The following SUCO variants were observed in gnomAD, a reference collection of about 807,000 sequenced individuals.
The protein encoded by SUCO is SUN domain-containing ossification factor.
In SUCO, 57 loss-of-function variants were observed where a neutral mutation model predicts 148.1. The observed-to-expected ratio is 0.38, with a 90% confidence interval of 0.31 to 0.48. The LOEUF (loss-of-function observed/expected upper bound fraction) is 0.48. Among genes scored for constraint, SUCO ranks in the 20% least tolerant of loss-of-function variants. SUCO has a pLI of 0.96. For synonymous variants in SUCO, 470 were observed against 502.7 expected (o/e 0.93, Z 0.87); for missense variants, 1,331 against 1,468.2 (o/e 0.91, Z 1.53).
intron 10 of SUCO, 109 bp from the exon 11 acceptor site, chr1:172,575,409 C>A: frequency 1.5e-6 from 1 of 671,912 alleles, no homozygotes; most frequent in Non-Finnish European, 2.5e-6. Flanking sequence ...ACTGTTAAGT[C>A]AGCGTGTTCA....
At chr1:172,577,848 G>C (rs777158326) in intron 13 of SUCO, 29 bp downstream of exon 13, 1 of 1,550,708 alleles carries the variant, frequency 6.4e-7, no homozygotes, top group Non-Finnish European at 8.8e-7. Context: ...CATTTATTGA[G>C]TTTTTAAAAA....
Position 172,589,859 on chromosome 1 carries a change from A to T in SUCO, c.2758A>T (p.Asn920Tyr). Residue 920 changes from asparagine to tyrosine, a missense_variant, in exon 18 of 24, where the codon AAT becomes TAT. Transcript: ENST00000263688. ...GGAGTCAGTATTTATGAGACTTAAT[A>T]ATCGTATTAAAGCCTTAGAAGTTAA... ...QKESVFMRLN[N>Y]RIKALEVNMS... 1 of 1,589,880 alleles carries T rather than the reference A, an allele frequency of 6.3e-7. No homozygotes were observed. Among genetic ancestry groups the T allele is most frequent in the South Asian group, 1.1e-5 (1 of 87,708 alleles).
intron 15 of SUCO, among the ~76,000 whole-genome samples, chr1:172,581,612 G>A (rs550732641): frequency 6.6e-6 from 1 of 152,272 alleles, no homozygotes; most frequent in East Asian, 1.9e-4. Flanking sequence ...CAGTAGTTCT[G>A]ATTCAAAGAA....
intron 23 of SUCO, 30 bp downstream of exon 23, chr1:172,608,832 G>A: frequency 7.1e-7 from 1 of 1,415,286 alleles, no homozygotes; most frequent in Non-Finnish European, 9.9e-7. Flanking sequence ...TAAGTTTATT[G>A]CTATGTTTTG....
At chr1:172,585,242 T>C (rs1384447523) in intron 16 of SUCO, 156 bp downstream of exon 16, 2 of 441,612 alleles carry the variant, frequency 4.5e-6, no homozygotes, top group African/African-American at 2.1e-5. Context: ...ATTCATTGTT[T>C]ATTTGAATTT....
At chr1:172,560,742 T>A (rs1209916665) in intron 6 of SUCO, among the ~76,000 whole-genome samples, 1 of 152,200 alleles carries the variant, frequency 6.6e-6, no homozygotes, top group Non-Finnish European at 1.5e-5. Flanking sequence ...GGAAAGCTAC[T>A]CCTAAAAGAG....
intron 19 of SUCO, among the ~76,000 whole-genome samples, chr1:172,592,251 C>G (rs1160191692): frequency 6.6e-6 from 1 of 152,172 alleles, no homozygotes; most frequent in Admixed American, 6.5e-5. Context: ...ATGGTAGTTT[C>G]TTTTGCTGTG....
chr1:172,564,153 C>T (rs758959419), intron 6 of SUCO, among the ~76,000 whole-genome samples: 8 of 152,244 alleles, frequency 5.3e-5, no homozygotes, highest in East Asian at 1.9e-4. Context: ...GGGACAGAGC[C>T]GTCATGGAGA....
At chr1:172,585,759 G>T in intron 16 of SUCO, 99 bp from the exon 17 acceptor site, 1 of 749,814 alleles carries the variant, frequency 1.3e-6, no homozygotes, top group Non-Finnish European at 2.2e-6. Flanking sequence ...AAACCTATTT[G>T]GCTTTTTTCT....
intron 19 of SUCO, among the ~76,000 whole-genome samples, chr1:172,598,941 C>A (rs573010758): frequency 3.3e-5 from 5 of 152,098 alleles, no homozygotes; most frequent in African/African-American, 4.8e-5. Flanking sequence ...TATACACCCC[C>A]CCTCTCCACA....
rs201977560 is a variant in SUCO, at chr1:172,589,139, C to A, written c.2038C>A (p.Pro680Thr). 2.4e-5 allele frequency: 39 copies of A among 1,613,554 alleles called. No homozygotes were observed. Among genetic ancestry groups the A allele is most frequent in the Non-Finnish European group, 5.1e-6 (6 of 1,179,820 alleles). ...AESVDVSVLQ[P>T]LSGELENTNI... ...ATCAGTAGATGTTTCAGTATTGCAA[C>A]CTCTGAGTGGAGAATTGGAAAATAC... is the stretch of plus-strand genomic sequence containing the variant. The change falls in exon 18 of 24, where the codon CCT becomes ACT. Residue 680 changes from proline to threonine, a missense_variant. By Grantham distance (38) the Pro-to-Thr change is conservative (BLOSUM62 -1). Transcript: ENST00000263688.
At chr1:172,555,769 T>TA in intron 3 of SUCO, 100 bp from the exon 4 acceptor site, 2 of 950,720 alleles carry the variant, frequency 2.1e-6, no homozygotes, top group South Asian at 5.2e-5. Context: ...ATTGTTTATA[T>TA]TGTCATTTTT....
upstream of SUCO, chr1:172,532,400 A>T (rs1245776302): frequency 8.5e-7 from 1 of 1,176,040 alleles, no homozygotes; most frequent in Non-Finnish European, 1.2e-6. Flanking sequence ...ACTTAAAGTG[A>T]GGAACCCGGC....
At chr1:172,539,891 C>G (rs923758999) in intron 1 of SUCO, among the ~76,000 whole-genome samples, 9 of 152,096 alleles carry the variant, frequency 5.9e-5, no homozygotes, top group African/African-American at 2.2e-4. Flanking sequence ...GAGACTTGAG[C>G]TCTGTATATA....
chr1:172,552,376 C>T (rs1339698804), intron 2 of SUCO, among the ~76,000 whole-genome samples: 1 of 151,916 alleles, frequency 6.6e-6, no homozygotes, highest in Non-Finnish European at 1.5e-5. Context: ...CCAGTGATAG[C>T]TCATATATCA....
chr1:172,553,402 T>G (rs1235697920), intron 3 of SUCO, 32 bp downstream of exon 3: 1 of 1,463,902 alleles, frequency 6.8e-7, no homozygotes, highest in African/African-American at 1.4e-5. Flanking sequence ...TTCAATAATA[T>G]GTCATTTCAA....
intron 1 of SUCO, among the ~76,000 whole-genome samples, chr1:172,548,720 A>G (rs1343945331): frequency 1.3e-5 from 2 of 152,038 alleles, no homozygotes; most frequent in Non-Finnish European, 2.9e-5. Flanking sequence ...GTTGGAGAAT[A>G]TAATCTTTTA....
upstream of SUCO, chr1:172,532,664 G>A: frequency 6.2e-7 from 1 of 1,614,068 alleles, no homozygotes; most frequent in Non-Finnish European, 8.5e-7. Context: ...GTCTCGTGGT[G>A]AGCAGCGAAA....
At chr1:172,609,687 G>T (rs1658085926) in intron 23 of SUCO, 129 bp from the exon 24 acceptor site, 2 of 1,460,674 alleles carry the variant, frequency 1.4e-6, no homozygotes, top group South Asian at 3.0e-5. Flanking sequence ...TATGTGTTCT[G>T]TGCTGTTTAT....
Sources: gnomAD v4.1 joint callset for allele counts (sites outside exome capture counted in the v4.1 genomes callset) on GRCh38, gnomAD v4.1.1 for gene constraint, MANE v1.5 for transcripts, NCBI Gene and HGNC (gene_info 2026-07-23, HGNC 2026-07-21) for gene names.